Variants in CTNNA3 observed in about 807,000 individuals in gnomAD.
CTNNA3 encodes the protein catenin alpha 3.
In CTNNA3, 76 loss-of-function variants were observed where a neutral mutation model predicts 95.7. The observed-to-expected ratio is 0.79, with a 90% CI of 0.66 to 0.96. The LOEUF (loss-of-function observed/expected upper bound fraction) is 0.96, where lower values mean the gene tolerates loss of function less well. CTNNA3 is among the 40% of genes least tolerant of loss of function. The pLI, the probability that CTNNA3 is intolerant of heterozygous loss-of-function variation, is 0.00. For synonymous variants in CTNNA3, 431 were observed against 374.4 expected, an observed-to-expected ratio of 1.15 and a Z score of -1.74; for missense variants, 1,191 against 1,089.8, an observed-to-expected ratio of 1.09 and a Z score of -1.31.
chr10:66,762,148 T>C (rs1839624434), intron 9 of CTNNA3, among the ~76,000 whole-genome samples: 1 of 152,166 alleles, frequency 6.6e-6, no homozygotes, highest in Admixed American at 6.6e-5. Flanking sequence ...TTTCATATTT[T>C]TATCTTCCTG....
intron 6 of CTNNA3, among the ~76,000 whole-genome samples, chr10:67,187,318 T>C (rs765534479): frequency 6.6e-6 from 1 of 152,164 alleles, no homozygotes. Flanking sequence ...AAGTAAGTTG[T>C]CTAATAATCC....
At chr10:66,530,153 A>G (rs1290840536) in intron 10 of CTNNA3, among the ~76,000 whole-genome samples, 3 of 152,194 alleles carry the variant, frequency 2.0e-5, no homozygotes, top group Non-Finnish European at 4.4e-5. Context: ...ATTTTACTTA[A>G]TATAACAAAA....
At chr10:66,054,097 A>G (rs1396885749) in intron 15 of CTNNA3, among the ~76,000 whole-genome samples, 2 of 152,174 alleles carry the variant, frequency 1.3e-5, no homozygotes, top group Admixed American at 6.5e-5. Flanking sequence ...CATTGTGTAT[A>G]TGTACCACAA....
At chr10:67,146,181 T>C (rs1385572958) in intron 7 of CTNNA3, among the ~76,000 whole-genome samples, 2 of 152,192 alleles carry the variant, frequency 1.3e-5, no homozygotes, top group Non-Finnish European at 2.9e-5. Context: ...AAGCATTAAG[T>C]GAAGAACAAG....
chr10:66,258,727 C>T (rs1325849849), intron 13 of CTNNA3, among the ~76,000 whole-genome samples: 1 of 152,070 alleles, frequency 6.6e-6, no homozygotes, highest in African/African-American at 2.4e-5. Flanking sequence ...CACCTCCCAG[C>T]TTAAGAGCCT....
chr10:67,477,469 C>T (rs1421443261), intron 5 of CTNNA3, among the ~76,000 whole-genome samples: 1 of 152,148 alleles, frequency 6.6e-6, no homozygotes, highest in Admixed American at 6.5e-5. Context: ...CCCAGCTGCA[C>T]TGACCATAGC....
intron 5 of CTNNA3, among the ~76,000 whole-genome samples, chr10:67,421,026 T>A (rs962546122): frequency 2.0e-5 from 3 of 152,124 alleles, no homozygotes; most frequent in African/African-American, 7.2e-5. Flanking sequence ...TGAAATAACA[T>A]CACCTTCATC....
intron 1 of CTNNA3, among the ~76,000 whole-genome samples, chr10:67,736,634 T>G (rs1841304177): frequency 6.6e-6 from 1 of 151,796 alleles, no homozygotes; most frequent in Non-Finnish European, 1.5e-5. Context: ...TTTTGTACTT[T>G]TTAGTAGAGA....
Position 66,775,470 on chromosome 10 carries a change from T to C in CTNNA3, c.1102A>G (p.Lys368Glu). The part of the protein sequence containing the change: ...TLNIALDNMC[K>E]KTRDLRRQLR... The stretch of plus-strand genomic sequence containing the variant: ...TGTCTGCGAAGGTCTCTTGTCTTCT[T>C]ACACATGTTGTCTAAAGCAATATTC... The change falls in exon 8 of 18, where the codon AAG (lysine) becomes GAG (glutamate). Residue 368 changes from lysine to glutamate, a missense_variant. By Grantham distance (56) the Lys-to-Glu change is moderately conservative. Transcript: ENST00000433211. 1.2e-6 allele frequency: 2 copies of C among 1,611,828 alleles called. No individual in the cohort carries two copies. Among genetic ancestry groups the C allele is most frequent in the Non-Finnish European group, 8.5e-7 (1 of 1,178,926 alleles).
At chr10:67,726,995 TATATA>T (rs1200094044) in intron 1 of CTNNA3, among the ~76,000 whole-genome samples, 17 of 113,964 alleles carry the variant, frequency 1.5e-4, no homozygotes, top group South Asian at 7.6e-4. Flanking sequence ...TATATAATTA[TATATA>T]ATATATGATA....
At chr10:67,069,618 T>G (rs954944318) in intron 7 of CTNNA3, among the ~76,000 whole-genome samples, 2 of 116,640 alleles carry the variant, frequency 1.7e-5, no homozygotes, top group African/African-American at 6.7e-5. Context: ...TATCCTGACC[T>G]AAATACATAG....
intron 16 of CTNNA3, among the ~76,000 whole-genome samples, chr10:65,987,135 C>T (rs1368587828): frequency 6.6e-6 from 1 of 151,764 alleles, no homozygotes; most frequent in Non-Finnish European, 1.5e-5. Flanking sequence ...TTGATTTTGG[C>T]AAAGATTTGA....
At chr10:66,269,711 C>T (rs1014320024) in intron 13 of CTNNA3, among the ~76,000 whole-genome samples, 11 of 152,116 alleles carry the variant, frequency 7.2e-5, no homozygotes, top group East Asian at 3.9e-4. Context: ...AAATACACTC[C>T]GGCACATTCC....
chr10:67,112,937 T>C (rs1858986244), intron 7 of CTNNA3, among the ~76,000 whole-genome samples: 1 of 152,100 alleles, frequency 6.6e-6, no homozygotes, highest in African/African-American at 2.4e-5. Flanking sequence ...AAGATTCCCT[T>C]GGGAAATGGT....
chr10:67,284,533 TA>T (rs200097818), intron 5 of CTNNA3, among the ~76,000 whole-genome samples: 7 of 151,808 alleles, frequency 4.6e-5, no homozygotes, highest in East Asian at 1.9e-4. Flanking sequence ...AGCGAGTAAG[TA>T]AAAAAAAATT....
chr10:66,645,473 C>A (rs976599859), intron 9 of CTNNA3, among the ~76,000 whole-genome samples: 2 of 152,088 alleles, frequency 1.3e-5, no homozygotes, highest in Non-Finnish European at 2.9e-5. Flanking sequence ...TGCTGTCTTT[C>A]TTCTATTAAA....
intron 6 of CTNNA3, among the ~76,000 whole-genome samples, chr10:67,211,629 A>T (rs924563698): frequency 6.6e-6 from 1 of 152,176 alleles, no homozygotes; most frequent in Admixed American, 6.6e-5. Flanking sequence ...AATATGAATA[A>T]GGCATTATTC....
In CTNNA3 at chr10:66,315,815, A is replaced by G. The variant is rs564522255; in HGVS notation, c.1733-35194T>C. 3.3e-5 allele frequency among the ~76,000 whole-genome samples: 5 copies of G among 152,238 alleles called. No individual in the cohort carries two copies. In the South Asian group the frequency reaches 1.0e-3, roughly 32 times the overall value. ...AGGAACTGGAAAAGCTGAAGCCCATATTTCCTACAACATGATAAAACTCTA... is the reference window on the plus strand; with the variant it reads ...AGGAACTGGAAAAGCTGAAGCCCATGTTTCCTACAACATGATAAAACTCTA... On this transcript the variant is annotated intron_variant, in intron 12 of 17. Coordinates refer to ENST00000433211, the MANE Select transcript of CTNNA3 (RefSeq NM_013266.4).
intron 7 of CTNNA3, among the ~76,000 whole-genome samples, chr10:66,894,423 C>T (rs536926167): frequency 3.3e-4 from 50 of 152,148 alleles, no homozygotes; most frequent in African/African-American, 1.2e-3. Context: ...CCTCTCTCTT[C>T]CTTTCTCTTA....
Sources: allele counts gnomAD v4.1 joint callset (sites outside exome capture counted in the v4.1 genomes callset), GRCh38; gene constraint gnomAD v4.1.1; transcripts MANE v1.5; gene names NCBI Gene and HGNC (gene_info 2026-07-23, HGNC 2026-07-21).